The following SLC22A3 variants were observed in gnomAD, a reference collection of about 807,000 sequenced individuals.
SLC22A3 encodes solute carrier family 22 member 3.
In SLC22A3, 51 loss-of-function variants were observed where a neutral mutation model predicts 59.1. The observed-to-expected ratio is 0.86, with a 90% confidence interval of 0.69 to 1.09. SLC22A3 has a LOEUF of 1.09. SLC22A3 is among the 50% of genes least tolerant of loss of function. The probability of loss-of-function intolerance (pLI) is 0.00; values close to 1 mark genes in which losing one functional copy is unlikely to be tolerated. For missense variants in SLC22A3, 711 were observed against 726.3 expected (o/e 0.98, Z 0.24); for synonymous variants, 325 against 292.0 (o/e 1.11, Z -1.15).
chr6:160,419,775 C>A (rs942294524), intron 5 of SLC22A3, among the ~76,000 whole-genome samples: 1 of 152,168 alleles, frequency 6.6e-6, no homozygotes, highest in African/African-American at 2.4e-5. Context: ...TACCATCACA[C>A]TCACTTTGAC....
chr6:160,364,996 A>T (rs1288403776), intron 1 of SLC22A3, among the ~76,000 whole-genome samples: 1 of 152,178 alleles, frequency 6.6e-6, no homozygotes, highest in Non-Finnish European at 1.5e-5. Context: ...ATGTAAAAAA[A>T]TACACTTACA....
intron 1 of SLC22A3, among the ~76,000 whole-genome samples, chr6:160,364,292 G>A (rs1401886589): frequency 6.6e-6 from 1 of 152,180 alleles, no homozygotes; most frequent in African/African-American, 2.4e-5. Flanking sequence ...CTGCATAGGG[G>A]CCCTAAAGGT....
chr6:160,443,884 T>C, intron 9 of SLC22A3, 142 bp downstream of exon 9: 1 of 448,326 alleles, frequency 2.2e-6, no homozygotes, highest in Non-Finnish European at 3.8e-6. Flanking sequence ...AATTATGATA[T>C]TAATTTCATC....
At position 160,409,560 on chromosome 6, in the gene SLC22A3, T is replaced by C. The variant is rs111522843; in HGVS notation, c.857+639T>C. Among the ~76,000 whole-genome samples the C allele has an allele frequency of 6.2e-3, 938 of 151,060 alleles. 11 individuals carry two copies. Among genetic ancestry groups the C allele is most frequent in the Middle Eastern group, 0.037 (11 of 294 alleles). On this transcript the variant is annotated intron_variant, in intron 4 of 10. Transcript: ENST00000275300. ...CCAGTAATGGGATGGCTGGGTCAAATGGTATTTCTAGTTCTAGATCCCTGA... is the reference window on the plus strand; with the variant it reads ...CCAGTAATGGGATGGCTGGGTCAAACGGTATTTCTAGTTCTAGATCCCTGA...
intron 2 of SLC22A3, among the ~76,000 whole-genome samples, chr6:160,400,653 AAAAC>A (rs1339769354): frequency 2.0e-5 from 1 of 49,340 alleles, no homozygotes; most frequent in African/African-American, 1.8e-4. Context: ...ACTAAAAGCC[AAAAC>A]ACACACACAC....
intron 1 of SLC22A3, among the ~76,000 whole-genome samples, chr6:160,373,624 G>A (rs1439909698): frequency 6.6e-6 from 1 of 152,168 alleles, no homozygotes; most frequent in African/African-American, 2.4e-5. Context: ...CCTTCCTCCA[G>A]GTGCTCTGTC....
chr6:160,350,734 G>A (rs639426), intron 1 of SLC22A3, among the ~76,000 whole-genome samples: 76,240 of 152,002 alleles, frequency 0.5, 19,436 homozygotes, highest in African/African-American at 0.59. Flanking sequence ...ATGCTCTGAC[G>A]GATACTTTGG....
intron 1 of SLC22A3, among the ~76,000 whole-genome samples, chr6:160,385,216 C>T (rs576582723): frequency 6.6e-6 from 1 of 152,292 alleles, no homozygotes; most frequent in South Asian, 2.1e-4. Flanking sequence ...GAATCATTTT[C>T]TCCAGTTCTG....
chr6:160,408,843 T>C lies in SLC22A3; in HGVS notation c.779T>C (p.Ile260Thr), dbSNP rs1461623915. The change falls in exon 4 of 11, where the codon ATT becomes ACT. Residue 260 changes from isoleucine to threonine, a missense_variant. Physicochemically the swap from Ile to Thr is moderately conservative, Grantham distance 89. Transcript: ENST00000275300. ...CTTGGAATCATAATTCTCCCTGGAATTGCCTACTTCATCCCCAACTGGCAA... is the reference window on the plus strand; with the variant it reads ...CTTGGAATCATAATTCTCCCTGGAACTGCCTACTTCATCCCCAACTGGCAA... ...FTLGIIILPG[I>T]AYFIPNWQGI... 1 of 1,613,806 alleles carries C rather than the reference T, an allele frequency of 6.2e-7. No individual in the cohort carries two copies. The highest frequency in any genetic ancestry group is 8.5e-7 in the Non-Finnish European group (1 of 1,179,844).
rs1173579094 is a variant in SLC22A3 at position 160,348,717 on chromosome 6, G to T, written c.298G>T (p.Asp100Tyr). The change falls in exon 1 of 11, where the codon GAC (aspartate) becomes TAC (tyrosine). Residue 100 changes from aspartate to tyrosine, a missense_variant. By Grantham distance (160) the Asp-to-Tyr change is radical. Coordinates refer to ENST00000275300, the MANE Select transcript of SLC22A3 (RefSeq NM_021977.4). The part of the protein sequence containing the change: ...CQRYLLEAAN[D>Y]SASATSALSC... The stretch of plus-strand genomic sequence containing the variant: ...GCGCTACCTCCTGGAGGCGGCCAAC[G>T]ACAGCGCCTCCGCCACTAGCGCTCT... The T allele has an allele frequency of 4.6e-6, 7 of 1,525,272 alleles. No homozygotes were observed. Among genetic ancestry groups the T allele is most frequent in the African/African-American group, 1.4e-5 (1 of 71,310 alleles). The allele number at this position is 1,525,272 out of a possible 1,614,324, so 94.5% of individuals were successfully genotyped here.
intron 5 of SLC22A3, among the ~76,000 whole-genome samples, chr6:160,433,967 C>A (rs1788249642): frequency 6.6e-6 from 1 of 152,136 alleles, no homozygotes; most frequent in South Asian, 2.1e-4. Flanking sequence ...AAAGTATTGC[C>A]ACCTGTGTGT....
intron 7 of SLC22A3, 92 bp downstream of exon 7, chr6:160,437,303 T>C (rs1485731981): frequency 3.9e-6 from 5 of 1,275,588 alleles, no homozygotes; most frequent in African/African-American, 1.4e-5. Context: ...TCTTAGGAAA[T>C]GTGCAATGGA....
chr6:160,432,507 C>A (rs1026121360), intron 5 of SLC22A3, among the ~76,000 whole-genome samples: 3 of 150,420 alleles, frequency 2.0e-5, no homozygotes, highest in Non-Finnish European at 2.9e-5. Context: ...CGGCTCACTG[C>A]AACTCCGCCT....
intron 1 of SLC22A3, among the ~76,000 whole-genome samples, chr6:160,387,149 T>C (rs1244029257): frequency 6.6e-6 from 1 of 152,138 alleles, no homozygotes; most frequent in Non-Finnish European, 1.5e-5. Flanking sequence ...AGCACCCACA[T>C]AGCAAGTTGC....
chr6:160,385,478 G>C (rs1785965995), intron 1 of SLC22A3, among the ~76,000 whole-genome samples: 1 of 152,206 alleles, frequency 6.6e-6, no homozygotes, highest in African/African-American at 2.4e-5. Context: ...GGCTGAACAA[G>C]ACAGTTAGGG....
intron 1 of SLC22A3, among the ~76,000 whole-genome samples, chr6:160,389,924 C>T (rs1439944216): frequency 6.6e-6 from 1 of 152,076 alleles, no homozygotes; most frequent in Non-Finnish European, 1.5e-5. Context: ...ACGTGGTTGG[C>T]CTTGGGTGGG....
chr6:160,446,377 CT>C (rs1222448286), intron 9 of SLC22A3, among the ~76,000 whole-genome samples: 2 of 152,180 alleles, frequency 1.3e-5, no homozygotes, highest in Non-Finnish European at 2.9e-5. Flanking sequence ...CTGCCCAAGA[CT>C]GGGTAATTTA....
intron 1 of SLC22A3, among the ~76,000 whole-genome samples, chr6:160,372,727 A>T (rs1205819262): frequency 1.3e-5 from 2 of 151,848 alleles, no homozygotes; most frequent in Non-Finnish European, 2.9e-5. Context: ...TCTTGTCTTC[A>T]TGATTTATTT....
intron 5 of SLC22A3, among the ~76,000 whole-genome samples, chr6:160,428,809 C>T (rs78990297): frequency 0.03 from 4,502 of 152,262 alleles, 220 homozygotes; most frequent in African/African-American, 0.1. Flanking sequence ...TATGCTCTTG[C>T]ATGGTAAATA....
Sources: gnomAD v4.1 joint callset for allele counts (sites outside exome capture counted in the v4.1 genomes callset) on GRCh38, gnomAD v4.1.1 for gene constraint, MANE v1.5 for transcripts, NCBI Gene and HGNC (gene_info 2026-07-23, HGNC 2026-07-21) for gene names.